Variants in ABCA1 observed in about 807,000 individuals in gnomAD.
ABCA1 encodes the protein phospholipid-transporting ATPase ABCA1.
Under a neutral mutation model 262.5 loss-of-function variants are expected in ABCA1, and 133 were observed. That is an observed-to-expected ratio of 0.51 (90% CI 0.44 to 0.59). The LOEUF is 0.59. Among genes scored for constraint, ABCA1 ranks in the 20% least tolerant of loss-of-function variants. ABCA1 has a pLI of 0.00. For missense variants in ABCA1, 2,452 were observed against 2,777.5 expected (o/e 0.88, Z 2.63); for synonymous variants, 1,022 against 1,043.5 (o/e 0.98, Z 0.40).
At chr9:104,873,348 A>G (rs1837806139) in intron 5 of ABCA1, among the ~76,000 whole-genome samples, 1 of 152,136 alleles carries the variant, frequency 6.6e-6, no homozygotes, top group African/African-American at 2.4e-5. Context: ...TGAATGGGTG[A>G]GGGGGTTCAG....
Position 104,790,984 on chromosome 9 carries a change from A to G in ABCA1, c.5865T>C (p.Thr1955=), listed in dbSNP as rs1242028666. 1 of 1,613,928 alleles carries G rather than the reference A, an allele frequency of 6.2e-7. No individual in the cohort carries two copies. Reference sequence around the variant, plus strand: ...TGGTATCTCCTGTTAACATCTTGAAAGTTGATGATTTTCCAGCCCCATTAA... The same window carrying G: ...TGGTATCTCCTGTTAACATCTTGAAGGTTGATGATTTTCCAGCCCCATTAA... ...LGVNGAGKSS[T]FKMLTGDTTV... Residue 1955 remains threonine (T), a synonymous_variant, in exon 44 of 50, where the codon ACT becomes ACC. Coordinates refer to ENST00000374736, the MANE Select transcript of ABCA1 (RefSeq NM_005502.4).
intron 27 of ABCA1, among the ~76,000 whole-genome samples, chr9:104,813,314 G>T (rs1831443940): frequency 6.6e-6 from 1 of 152,160 alleles, no homozygotes; most frequent in Non-Finnish European, 1.5e-5. Context: ...ATACCTAACT[G>T]ATGTGCTTTT....
chr9:104,898,149 T>C (rs1484174244), intron 2 of ABCA1, among the ~76,000 whole-genome samples: 1 of 152,090 alleles, frequency 6.6e-6, no homozygotes, highest in Admixed American at 6.5e-5. Flanking sequence ...GTATATGTAA[T>C]GATTACAATT....
intron 1 of ABCA1, among the ~76,000 whole-genome samples, chr9:104,924,761 A>T (rs1199943477): frequency 6.6e-6 from 1 of 152,220 alleles, no homozygotes; most frequent in Non-Finnish European, 1.5e-5. Flanking sequence ...GCAGCTAAAA[A>T]TGAAAACAGT....
At chr9:104,809,351 C>G in intron 30 of ABCA1, 115 bp downstream of exon 30, 1 of 1,006,606 alleles carries the variant, frequency 9.9e-7, no homozygotes, top group Non-Finnish European at 1.5e-6. Context: ...AATAATAATT[C>G]AAAGGGCAAA....
At chr9:104,834,573 G>A (rs7034361) in intron 11 of ABCA1, among the ~76,000 whole-genome samples, 21,566 of 148,586 alleles carry the variant, frequency 0.15, 3,556 homozygotes, top group East Asian at 0.56. Context: ...GAACAACATG[G>A]CCAAAAAGAA....
At position 104,786,854 on chromosome 9, in the gene ABCA1, C is replaced by G. The variant is rs1828976954; in HGVS notation, c.6308+19G>C. On this transcript the variant is annotated intron_variant, in intron 47 of 49. Transcript: ENST00000374736. ...GTTAAAACATCCCACAGTGAGGAAC[C>G]CAAGACTTTACTACGGACCTATGAG... The G allele has an allele frequency of 6.2e-7, 1 of 1,601,624 alleles. No individual in the cohort carries two copies. Among genetic ancestry groups the G allele is most frequent in the African/African-American group, 1.3e-5 (1 of 74,626 alleles).
In ABCA1 at chr9:104,818,745, T is replaced by G; in HGVS notation, c.3380A>C (p.Tyr1127Ser). ...FLKNQLGTGY[Y>S]LTLVKKDVES... ...CACATCTTTCTTGACCAAGGTCAGG[T>G]AGTAGCCTGTTCCCAGCTGGTTCTT... Residue 1127 changes from tyrosine (Y) to serine (S), a missense_variant, in exon 23 of 50, where the codon TAC becomes TCC. By Grantham distance (144) the Tyr-to-Ser change is moderately radical. Coordinates refer to ENST00000374736, the MANE Select transcript of ABCA1 (RefSeq NM_005502.4). 1.2e-6 allele frequency: 2 copies of G among 1,613,848 alleles called. No individual in the cohort carries two copies. The highest frequency in any genetic ancestry group is 1.7e-6 in the Non-Finnish European group (2 of 1,180,012).
chr9:104,812,617 C>T lies in ABCA1; in HGVS notation c.4007G>A (p.Arg1336Lys). Residue 1336 changes from arginine to lysine, a missense_variant, in exon 28 of 50, where the codon AGA becomes AAA. By Grantham distance (26) the Arg-to-Lys change is conservative. This residue lies in a region of ABCA1 where 665 missense variants were observed against 727.3 expected (regional missense o/e 0.91). Transcript: ENST00000374736. The stretch of plus-strand genomic sequence containing the variant: ...CCGACTCCGTCTGGCAATTAGCAGT[C>T]TCTTCCACAAAAGGGCCACAAACTG... The part of the protein sequence containing the change: ...QQQFVALLWK[R>K]LLIARRSRKG... The T allele has an allele frequency of 6.2e-7, 1 of 1,614,214 alleles. No individual in the cohort carries two copies. The highest frequency in any genetic ancestry group is 8.5e-7 in the Non-Finnish European group (1 of 1,180,052).
intron 1 of ABCA1, among the ~76,000 whole-genome samples, chr9:104,920,700 C>G (rs1250936825): frequency 6.6e-6 from 1 of 152,048 alleles, no homozygotes; most frequent in African/African-American, 2.4e-5. Context: ...TTAGTAGAGA[C>G]GGGGTTTCAC....
chr9:104,818,988 G>A lies in ABCA1; in HGVS notation c.3242-105C>T. On this transcript the variant is annotated intron_variant, in intron 22 of 49. Transcript: ENST00000374736. ...ATATTAGCAGGGGTAAGCACTGGAA[G>A]AGACCTGGAAGCCACCTTTCACCCT... is the stretch of plus-strand genomic sequence containing the variant. 3.5e-6 allele frequency: 4 copies of A among 1,156,948 alleles called. No individual in the cohort carries two copies. In the South Asian group the frequency reaches 5.3e-5, roughly 15 times the overall value. The allele number at this position is 1,156,948 out of a possible 1,614,324, so 71.7% of individuals were successfully genotyped here.
chr9:104,793,388 T>G (rs1829600180), intron 40 of ABCA1, 88 bp from the exon 41 acceptor site: 2 of 1,550,092 alleles, frequency 1.3e-6, no homozygotes, highest in African/African-American at 2.7e-5. Context: ...TTCCTTAAAA[T>G]TCACCGATCT....
At chr9:104,800,654 C>T (rs764712406) in intron 34 of ABCA1, 70 bp from the exon 35 acceptor site, 12 of 1,418,758 alleles carry the variant, frequency 8.5e-6, no homozygotes, top group Admixed American at 3.3e-5. Flanking sequence ...CAATCTGGAA[C>T]CTGTGGACAA....
chr9:104,899,746 C>G (rs1196787519), intron 2 of ABCA1, among the ~76,000 whole-genome samples: 2 of 151,968 alleles, frequency 1.3e-5, no homozygotes, highest in African/African-American at 2.4e-5. Context: ...CTAGTCAGAT[C>G]TATTTGAGAA....
At chr9:104,845,316 T>C (rs1256893238) in intron 8 of ABCA1, among the ~76,000 whole-genome samples, 161 bp downstream of exon 8, 1 of 152,198 alleles carries the variant, frequency 6.6e-6, no homozygotes, top group Non-Finnish European at 1.5e-5. Flanking sequence ...ATTTCTAAAA[T>C]AAGGAAATCA....
In ABCA1 at chr9:104,820,394, C is replaced by T. The variant is rs56246085; in HGVS notation, c.2961-325G>A. 5.8e-3 allele frequency among the ~76,000 whole-genome samples: 888 copies of T among 152,212 alleles called. 5 individuals carry two copies. Among genetic ancestry groups the T allele is most frequent in the Middle Eastern group, 0.017 (5 of 294 alleles). ...TCTTTAATGGGCTGTCCCCACAGCA[C>T]GTCCACCAAGAAGTCAGCTCGGCAC... On this transcript the variant is annotated intron_variant, in intron 20 of 49. Coordinates refer to ENST00000374736, the MANE Select transcript of ABCA1 (RefSeq NM_005502.4).
chr9:104,854,790 C>T (rs1394056343), intron 7 of ABCA1, among the ~76,000 whole-genome samples: 2 of 152,216 alleles, frequency 1.3e-5, no homozygotes, highest in African/African-American at 4.8e-5. Flanking sequence ...TAACAAGTCT[C>T]CCTCATGACT....
chr9:104,824,775 A>C (rs1832676151), intron 17 of ABCA1, among the ~76,000 whole-genome samples, 197 bp from the exon 18 acceptor site: 1 of 152,224 alleles, frequency 6.6e-6, no homozygotes, highest in South Asian at 2.1e-4. Context: ...AAGTCCTTCC[A>C]ACAACCCACG....
chr9:104,860,006 A>G (rs1746809450), intron 6 of ABCA1, among the ~76,000 whole-genome samples: 1 of 149,564 alleles, frequency 6.7e-6, no homozygotes, highest in Non-Finnish European at 1.5e-5. Context: ...GTGAGCTGAG[A>G]TCACGCCACT....
Sources: allele counts gnomAD v4.1 joint callset (sites outside exome capture counted in the v4.1 genomes callset), GRCh38; gene constraint gnomAD v4.1.1; regional missense constraint gnomAD v4.1.1; transcripts MANE v1.5; gene names NCBI Gene and HGNC (gene_info 2026-07-23, HGNC 2026-07-21).